The following WLS variants were observed in gnomAD, a reference collection of about 807,000 sequenced individuals.
The protein encoded by WLS is protein wntless homolog.
A neutral mutation model predicts 62.8 loss-of-function variants in WLS; 23 were observed. That is an observed-to-expected ratio of 0.37 (90% CI 0.26 to 0.52). The LOEUF (loss-of-function observed/expected upper bound fraction) is 0.52, where lower values mean the gene tolerates loss of function less well. Ranked by LOEUF, WLS falls within the 20% of genes least tolerant of loss-of-function variation. WLS has a pLI of 0.92. For synonymous variants in WLS, 246 were observed against 244.1 expected (o/e 1.01, Z -0.07); for missense variants, 615 against 697.3 (o/e 0.88, Z 1.33).
At chr1:68,180,531 T>G (rs1647495398) in intron 2 of WLS, among the ~76,000 whole-genome samples, 2 of 152,118 alleles carry the variant, frequency 1.3e-5, no homozygotes, top group Admixed American at 1.3e-4. Context: ...AGGCTCCTAT[T>G]CCCATTATCT....
At chr1:68,173,723 C>A (rs1338095753) in intron 2 of WLS, among the ~76,000 whole-genome samples, 1 of 152,150 alleles carries the variant, frequency 6.6e-6, no homozygotes, top group African/African-American at 2.4e-5. Flanking sequence ...CAGATCTACC[C>A]AGAGTCCTTC....
chr1:68,104,203 A>AT (rs397947895), intron 11 of WLS, among the ~76,000 whole-genome samples: 5 of 151,594 alleles, frequency 3.3e-5, no homozygotes, highest in Non-Finnish European at 7.4e-5. Context: ...TAAAAAAAAA[A>AT]GCAAAATCTA....
intron 11 of WLS, among the ~76,000 whole-genome samples, chr1:68,112,854 A>AT (rs1274863347): frequency 2.0e-5 from 3 of 152,248 alleles, no homozygotes; most frequent in African/African-American, 7.2e-5. Context: ...ATGGAAACAA[A>AT]TATCTTCTCT....
At chr1:68,120,717 T>TGTGC (rs1039989574), downstream of WLS, among the ~76,000 whole-genome samples, 18 of 145,814 alleles carry the variant, frequency 1.2e-4, no homozygotes, top group African/African-American at 4.8e-4. Context: ...TGTGTGTGTG[T>TGTGC]GCGCGCGCGC....
At chr1:68,191,509 T>C (rs1648301534) in intron 2 of WLS, among the ~76,000 whole-genome samples, 1 of 152,212 alleles carries the variant, frequency 6.6e-6, no homozygotes, top group South Asian at 2.1e-4. Context: ...TTATAGCACA[T>C]AACATGTTTT....
chr1:68,178,454 A>C (rs1290215309), intron 2 of WLS, among the ~76,000 whole-genome samples: 1 of 152,122 alleles, frequency 6.6e-6, no homozygotes, highest in Non-Finnish European at 1.5e-5. Flanking sequence ...TAATCCCAGC[A>C]CTTTGGGACT....
chr1:68,217,316 G>A (rs964354817), intron 1 of WLS, among the ~76,000 whole-genome samples: 3 of 152,258 alleles, frequency 2.0e-5, no homozygotes, highest in East Asian at 1.9e-4. Flanking sequence ...ACAGCATTCC[G>A]CCTTTCTACT....
rs989296520 is a variant in WLS, at chr1:68,215,001, A to G, written c.106+17193T>C. On this transcript the variant is annotated intron_variant, in intron 1 of 11. Coordinates refer to ENST00000262348, the MANE Select transcript of WLS (RefSeq NM_024911.7). ...TGGTAGCCTCCACACAAGTCTCAGA[A>G]TTCACTCTAATTAGACTAACTTGAG... 2.8e-4 allele frequency among the ~76,000 whole-genome samples: 43 copies of G among 152,294 alleles called. 1 individual carries two copies. The highest frequency in any genetic ancestry group is 9.4e-4 in the African/African-American group (39 of 41,564).
intron 3 of WLS, among the ~76,000 whole-genome samples, chr1:68,157,340 A>C (rs1646913561): frequency 6.6e-6 from 1 of 152,208 alleles, no homozygotes; most frequent in Non-Finnish European, 1.5e-5. Context: ...AATTTACCTA[A>C]GTTCAAATTA....
intron 11 of WLS, among the ~76,000 whole-genome samples, chr1:68,105,884 G>C (rs574626437): frequency 6.6e-6 from 1 of 152,240 alleles, no homozygotes; most frequent in African/African-American, 2.4e-5. Flanking sequence ...AGAGGAAAAA[G>C]GAATGCCCCG....
chr1:68,216,237 C>T (rs1649722077), intron 1 of WLS, among the ~76,000 whole-genome samples: 1 of 152,172 alleles, frequency 6.6e-6, no homozygotes, highest in Non-Finnish European at 1.5e-5. Flanking sequence ...TTATTCCTTC[C>T]ACAAACATAG....
intron 1 of WLS, among the ~76,000 whole-genome samples, chr1:68,217,529 T>C (rs1399497270): frequency 1.3e-5 from 2 of 152,126 alleles, no homozygotes; most frequent in Middle Eastern, 3.4e-3. Flanking sequence ...AGTCTGGGGG[T>C]GATGTTTATG....
intron 1 of WLS, among the ~76,000 whole-genome samples, chr1:68,205,035 A>G (rs561522253): frequency 1.8e-4 from 28 of 152,350 alleles, no homozygotes; most frequent in South Asian, 1.2e-3. Flanking sequence ...GTTATGCTCA[A>G]TGTAACTAAC....
chr1:68,197,847 G>T (rs1391804744), intron 1 of WLS, among the ~76,000 whole-genome samples: 1 of 152,120 alleles, frequency 6.6e-6, no homozygotes, highest in Non-Finnish European at 1.5e-5. Context: ...GGGATTAAGA[G>T]AAAAGAGCTA....
chr1:68,220,045 G>A (rs1649881523), intron 1 of WLS, among the ~76,000 whole-genome samples: 2 of 152,114 alleles, frequency 1.3e-5, no homozygotes, highest in Admixed American at 1.3e-4. Context: ...ATGCTCTAAA[G>A]AGCCATGAAT....
intron 11 of WLS, among the ~76,000 whole-genome samples, chr1:68,110,000 CAAAAAGTAAAAAAAAAAAAAAAAAA>C (rs1349867989): frequency 4.8e-4 from 47 of 98,704 alleles, no homozygotes; most frequent in South Asian, 2.1e-3. Context: ...GAACACAACA[CAAAAAGTAAAAAAAAAAAAAAAAAA>C]AAAAAAAAAA....
chr1:68,184,810 C>T (rs1377264606), intron 2 of WLS, among the ~76,000 whole-genome samples: 2 of 152,206 alleles, frequency 1.3e-5, no homozygotes, highest in Admixed American at 1.3e-4. Flanking sequence ...AGGTCAATGA[C>T]TCCTGTTCCC....
chr1:68,161,667 C>T, intron 2 of WLS: 1 of 986,862 alleles, frequency 1.0e-6, no homozygotes, highest in South Asian at 1.5e-5. Flanking sequence ...TTACAAAGAC[C>T]ATCATATTCT....
intron 10 of WLS, among the ~76,000 whole-genome samples, chr1:68,139,407 A>G (rs1206534176): frequency 6.6e-6 from 1 of 152,196 alleles, no homozygotes; most frequent in Non-Finnish European, 1.5e-5. Context: ...TTTATTGCAT[A>G]TAATGGAAAG....
Sources: gnomAD v4.1 joint callset for allele counts (sites outside exome capture counted in the v4.1 genomes callset) on GRCh38, gnomAD v4.1.1 for gene constraint, MANE v1.5 for transcripts, NCBI Gene and HGNC (gene_info 2026-07-23, HGNC 2026-07-21) for gene names.